The following CTNNA2 variants were observed in gnomAD, a reference collection of about 807,000 sequenced individuals.
CTNNA2 encodes the protein catenin alpha-2.
A neutral mutation model predicts 101.0 loss-of-function variants in CTNNA2; 42 were observed. The ratio of observed to expected loss-of-function variants is 0.42; its 90% CI spans 0.32 to 0.54. CTNNA2 has a LOEUF of 0.54. Ranked by LOEUF, CTNNA2 falls within the 20% of genes least tolerant of loss-of-function variation. The probability of loss-of-function intolerance (pLI) is 0.14; values close to 1 mark genes in which losing one functional copy is unlikely to be tolerated. For missense variants in CTNNA2, 871 were observed against 1,223.1 expected, an observed-to-expected ratio of 0.71 and a Z score of 4.29; for synonymous variants, 450 against 456.4, an observed-to-expected ratio of 0.99 and a Z score of 0.18.
Position 80,619,124 on chromosome 2 carries a change from G to A in CTNNA2, c.2470G>A (p.Asp824Asn). 6.5e-7 allele frequency: 1 copy of A among 1,546,864 alleles called. No homozygotes were observed. The highest frequency in any genetic ancestry group is 8.7e-7 in the Non-Finnish European group (1 of 1,144,594). The change falls in exon 18 of 19, where the codon GAT becomes AAT. Residue 824 changes from aspartate to asparagine, a missense_variant. Physicochemically the swap from Asp to Asn is conservative, Grantham distance 23. Around this residue, in one of 5 missense-constraint regions of CTNNA2, gnomAD observed 65 missense variants for 53.3 expected, o/e 1.22. Transcript: ENST00000402739. ...CACTTTCACTACCTTTTATGAGGTA[G>A]ATTGTGATGTCATAGATGGGGGCAG... is the stretch of plus-strand genomic sequence containing the variant. ...QSTFTTFYEV[D>N]CDVIDGGRAS...
chr2:80,367,665 T>A (rs1175459619), intron 7 of CTNNA2, among the ~76,000 whole-genome samples: 2 of 152,106 alleles, frequency 1.3e-5, no homozygotes, highest in African/African-American at 4.8e-5. Flanking sequence ...AACTTTTTTT[T>A]ATAACTTTTA....
intron 7 of CTNNA2, among the ~76,000 whole-genome samples, chr2:80,257,326 T>C (rs949240885): frequency 6.6e-6 from 1 of 152,172 alleles, no homozygotes; most frequent in Non-Finnish European, 1.5e-5. Flanking sequence ...AGTCACTCTA[T>C]ATTGGCTGTG....
chr2:79,320,867 A>T (rs896373), intron 3 of CTNNA2, among the ~76,000 whole-genome samples: 1 of 152,134 alleles, frequency 6.6e-6, no homozygotes, highest in East Asian at 1.9e-4. Context: ...AATAAAGACA[A>T]CCTGAAGTAC....
chr2:80,348,625 G>C (rs1673002243), intron 7 of CTNNA2, among the ~76,000 whole-genome samples: 1 of 152,084 alleles, frequency 6.6e-6, no homozygotes. Context: ...TTTAAAAAGA[G>C]CATTTCTGGT....
At chr2:79,353,509 C>G (rs113993208) in intron 3 of CTNNA2, among the ~76,000 whole-genome samples, 1 of 151,896 alleles carries the variant, frequency 6.6e-6, no homozygotes, top group Admixed American at 6.6e-5. Context: ...TTTTGTTTAC[C>G]ATTTGCATAT....
intron 13 of CTNNA2, among the ~76,000 whole-genome samples, chr2:80,574,936 AT>A (rs765603200): frequency 6.6e-6 from 1 of 152,180 alleles, no homozygotes; most frequent in Non-Finnish European, 1.5e-5. Flanking sequence ...ATTGTAGTTG[AT>A]TTAAAAACTC....
intron 7 of CTNNA2, among the ~76,000 whole-genome samples, chr2:80,225,354 C>CTCTG (rs1439396942): frequency 3.9e-5 from 6 of 152,186 alleles, no homozygotes; most frequent in African/African-American, 7.2e-5. Context: ...TCATTTGTGT[C>CTCTG]TCTGGGCACT....
chr2:79,685,744 A>T (rs1683888885), intron 2 of CTNNA2, among the ~76,000 whole-genome samples: 1 of 152,178 alleles, frequency 6.6e-6, no homozygotes, highest in Admixed American at 6.5e-5. Flanking sequence ...GGAAGACTGG[A>T]TAAAGGAGAG....
chr2:79,706,396 G>T (rs1177226995), intron 2 of CTNNA2, among the ~76,000 whole-genome samples: 2 of 150,804 alleles, frequency 1.3e-5, no homozygotes, highest in Non-Finnish European at 3.0e-5. Flanking sequence ...AAATTAGCAT[G>T]TGTGGATTCC....
At chr2:80,065,643 C>T (rs1697936294) in intron 7 of CTNNA2, among the ~76,000 whole-genome samples, 1 of 152,130 alleles carries the variant, frequency 6.6e-6, no homozygotes, top group Non-Finnish European at 1.5e-5. Context: ...TGAGCCACCG[C>T]ACCTGGCCCC....
At chr2:79,889,936 C>T (rs1684184918) in intron 6 of CTNNA2, among the ~76,000 whole-genome samples, 1 of 152,140 alleles carries the variant, frequency 6.6e-6, no homozygotes, top group African/African-American at 2.4e-5. Flanking sequence ...GAGAGGCTGG[C>T]CATTCTATGT....
intron 7 of CTNNA2, among the ~76,000 whole-genome samples, chr2:79,983,818 T>C (rs1691564954): frequency 6.6e-6 from 1 of 152,240 alleles, no homozygotes; most frequent in African/African-American, 2.4e-5. Flanking sequence ...TTACTGTTTT[T>C]ATGTCATTTC....
At chr2:80,189,979 G>A (rs1283775433) in intron 7 of CTNNA2, among the ~76,000 whole-genome samples, 3 of 151,234 alleles carry the variant, frequency 2.0e-5, no homozygotes, top group Non-Finnish European at 2.9e-5. Context: ...CTAAGACTTT[G>A]AGGTCAGAGG....
At chr2:79,966,058 A>G (rs1189929722) in intron 7 of CTNNA2, among the ~76,000 whole-genome samples, 1 of 151,896 alleles carries the variant, frequency 6.6e-6, no homozygotes, top group African/African-American at 2.4e-5. Flanking sequence ...TCCAAAAGAG[A>G]TGCTCGTAAC....
chr2:80,517,609 A>T (rs1689202708), intron 9 of CTNNA2, among the ~76,000 whole-genome samples: 1 of 152,180 alleles, frequency 6.6e-6, no homozygotes, highest in African/African-American at 2.4e-5. Context: ...GGCAAGGAAC[A>T]TTCCTAGGGG....
chr2:80,416,650 C>T (rs1423674552), intron 8 of CTNNA2, among the ~76,000 whole-genome samples: 1 of 151,972 alleles, frequency 6.6e-6, no homozygotes, highest in Non-Finnish European at 1.5e-5. Flanking sequence ...ATCCCCTTTT[C>T]ACAATGTTGT....
chr2:80,432,667 A>G (rs1681651374), intron 9 of CTNNA2, among the ~76,000 whole-genome samples: 1 of 152,216 alleles, frequency 6.6e-6, no homozygotes, highest in Admixed American at 6.5e-5. Context: ...TGGAAGATCA[A>G]AAGAACAAAC....
chr2:80,109,650 C>T (rs1701094301), intron 7 of CTNNA2, among the ~76,000 whole-genome samples: 1 of 150,592 alleles, frequency 6.6e-6, no homozygotes, highest in Admixed American at 6.6e-5. Context: ...TTCTCAAAAA[C>T]CTTCTGTTTG....
intron 7 of CTNNA2, among the ~76,000 whole-genome samples, chr2:80,215,687 G>C (rs112296108): frequency 0.029 from 4,484 of 152,246 alleles, 234 homozygotes; most frequent in African/African-American, 0.1. Flanking sequence ...GAGGTGTCTT[G>C]CAATTTGGCT....
Sources: allele counts gnomAD v4.1 joint callset (sites outside exome capture counted in the v4.1 genomes callset), GRCh38; gene constraint gnomAD v4.1.1; regional missense constraint gnomAD v4.1.1; transcripts MANE v1.5; gene names NCBI Gene and HGNC (gene_info 2026-07-23, HGNC 2026-07-21).